The following CERKL variants were observed in gnomAD, a reference collection of about 807,000 sequenced individuals.
CERKL encodes ceramide kinase-like protein.
A neutral mutation model predicts 63.4 loss-of-function variants in CERKL; 61 were observed. That is an observed-to-expected ratio of 0.96 (90% CI 0.78 to 1.19). CERKL has a LOEUF of 1.19. CERKL is among the 50% of genes most tolerant of loss of function. CERKL has a pLI of 0.00. For missense variants in CERKL, 675 were observed against 655.5 expected, an observed-to-expected ratio of 1.03 and a Z score of -0.33; for synonymous variants, 250 against 230.5, an observed-to-expected ratio of 1.08 and a Z score of -0.77.
chr2:181,650,128 A>G (rs1225601232), intron 1 of CERKL: 4 of 134,304 alleles, frequency 3.0e-5, no homozygotes, highest in Non-Finnish European at 6.1e-5. Context: ...GAAGGAAGGA[A>G]GGAAGGAAGG....
chr2:181,620,343 A>C (rs1401518492), intron 1 of CERKL, among the ~76,000 whole-genome samples: 1 of 152,134 alleles, frequency 6.6e-6, no homozygotes, highest in Admixed American at 6.6e-5. Context: ...GTACCTCTGC[A>C]GGTCAGATCC....
Position 181,539,039 on chromosome 2 carries a change from T to C in CERKL, c.1538+53A>G. 6 of 1,255,562 alleles carry C rather than the reference T, an allele frequency of 4.8e-6. No homozygotes were observed. The Admixed American group carries it at 7.1e-5, about 15-fold the overall frequency. The allele number at this position is 1,255,562 out of a possible 1,614,324, so 77.8% of individuals were successfully genotyped here. On this transcript the variant is annotated intron_variant, in intron 12 of 12. Coordinates refer to ENST00000410087, the MANE Select transcript of CERKL (RefSeq NM_201548.5). ...TCAGAGAAGAGAGCTTTCGTTGTAA[T>C]ATTAGATTTATGTTTACTGGTTGAC...
intron 1 of CERKL, among the ~76,000 whole-genome samples, chr2:181,653,053 G>A (rs558368726): frequency 7.0e-4 from 107 of 152,308 alleles, no homozygotes; most frequent in African/African-American, 2.3e-3. Flanking sequence ...GATTACAGGC[G>A]TGAGCCACTG....
chr2:181,577,162 C>T (rs1255089080), intron 2 of CERKL, among the ~76,000 whole-genome samples: 1 of 152,012 alleles, frequency 6.6e-6, no homozygotes, highest in Non-Finnish European at 1.5e-5. Flanking sequence ...AAATCATCCT[C>T]GTTGAAGGAG....
intron 1 of CERKL, among the ~76,000 whole-genome samples, chr2:181,651,557 A>G (rs1449696477): frequency 6.6e-6 from 1 of 152,240 alleles, no homozygotes; most frequent in Non-Finnish European, 1.5e-5. Flanking sequence ...CACAGCTAAC[A>G]TCATACTGAA....
intron 1 of CERKL, among the ~76,000 whole-genome samples, chr2:181,617,607 ATATAT>A (rs1465223797): frequency 6.6e-6 from 1 of 152,178 alleles, no homozygotes; most frequent in African/African-American, 2.4e-5. Flanking sequence ...ACTTTTTAAA[ATATAT>A]TATAATAAAA....
intron 2 of CERKL, among the ~76,000 whole-genome samples, chr2:181,586,906 T>C (rs752752626): frequency 6.6e-6 from 1 of 152,192 alleles, no homozygotes; most frequent in Non-Finnish European, 1.5e-5. Flanking sequence ...CTTGTCATAC[T>C]CTTGTGTATA....
rs61733527 is a variant in CERKL, at chr2:181,656,808, C to T, written c.199G>A (p.Ala67Thr). The change falls in exon 1 of 13, where the codon GCA (alanine) becomes ACA (threonine). Residue 67 changes from alanine to threonine, a missense_variant. Transcript: ENST00000410087. ...GGCTGAATGGGCCGCCACCGCAGTG[C>T]TCGCTCGCTCAGCACCACGTCACAA... ...DSCDVVLSER[A>T]LRWRPIQPER... is the part of the protein sequence containing the mutation. 3,352 of 1,596,114 alleles carry T rather than the reference C, an allele frequency of 2.1e-3. 58 individuals carry two copies. The African/African-American group carries it at 0.041, about 19-fold the overall frequency.
chr2:181,634,290 G>A (rs1034836074), intron 1 of CERKL, among the ~76,000 whole-genome samples: 5 of 152,082 alleles, frequency 3.3e-5, no homozygotes, highest in African/African-American at 9.7e-5. Context: ...ATGTTTCTTG[G>A]GGTCATTTGT....
Position 181,615,100 on chromosome 2 carries a change from C to A in CERKL, c.239-11021G>T, listed in dbSNP as rs79356677. On this transcript the variant is annotated intron_variant, in intron 1 of 12. Coordinates refer to ENST00000410087, the MANE Select transcript of CERKL (RefSeq NM_201548.5). ...ACAGAGATACTGGGGACCATCTGTT[C>A]TTGCAAGGAACTTAAGTATACATCT... Among the ~76,000 whole-genome samples, 1,113 of 152,290 alleles carry A rather than the reference C, an allele frequency of 7.3e-3. 83 individuals carry two copies. In the East Asian group the frequency reaches 0.17, roughly 23 times the overall value.
At chr2:181,538,589 C>T (rs949571017) in intron 12 of CERKL, among the ~76,000 whole-genome samples, 15 of 152,142 alleles carry the variant, frequency 9.9e-5, no homozygotes, top group African/African-American at 3.6e-4. Flanking sequence ...TTGCAGGTTC[C>T]TAAACCTGTT....
Position 181,656,771 on chromosome 2 carries a change from G to A in CERKL, c.236C>T (p.Ala79Val), listed in dbSNP as rs771968652. 2 of 1,591,172 alleles carry A rather than the reference G, an allele frequency of 1.3e-6. No homozygotes were observed. The highest frequency in any genetic ancestry group is 1.7e-6 in the Non-Finnish European group (2 of 1,168,326). The change falls in exon 1 of 13, where the codon GCG (alanine) becomes GTG (valine). Residue 79 changes from alanine (A) to valine (V), a missense_variant and splice_region_variant. Physicochemically the swap from Ala to Val is moderately conservative, Grantham distance 64. Coordinates refer to ENST00000410087, the MANE Select transcript of CERKL (RefSeq NM_201548.5). ...GACGCTTGGGGCCGGGCACTCACCC[G>A]CCGGGCGCTCGGGCTGAATGGGCCG... The part of the protein sequence containing the change: ...RWRPIQPERP[A>V]GDSKYDLLCK...
Position 181,558,475 on chromosome 2 carries a change from A to C in CERKL, c.820+91T>G. ...AGTCTGGATCTTTCAAAGTCTGTTC[A>C]TTAATTCTGTGTTGTGCTGTCTAGA... On this transcript the variant is annotated intron_variant, in intron 5 of 12. Coordinates refer to ENST00000410087, the MANE Select transcript of CERKL (RefSeq NM_201548.5). The surrounding 1 kb of genome is among the most constrained non-coding windows in gnomAD (Gnocchi z 4.2). 1.4e-6 allele frequency: 2 copies of C among 1,396,846 alleles called. No homozygotes were observed. The highest frequency in any genetic ancestry group is 2.0e-6 in the Non-Finnish European group (2 of 992,476). 86.5% of individuals were successfully genotyped at this position (1,396,846 alleles called of 1,614,324 possible).
intron 2 of CERKL, among the ~76,000 whole-genome samples, chr2:181,592,593 G>T (rs1308307169): frequency 1.3e-5 from 2 of 152,108 alleles, no homozygotes; most frequent in Admixed American, 6.6e-5. Context: ...TGCTTCACTG[G>T]ATTTAAAATT....
chr2:181,569,755 A>T (rs978497825), intron 3 of CERKL, among the ~76,000 whole-genome samples: 1 of 152,212 alleles, frequency 6.6e-6, no homozygotes, highest in African/African-American at 2.4e-5. Flanking sequence ...ACAAGAGATG[A>T]GGGGCAGACA....
At chr2:181,640,424 G>A (rs1311384468) in intron 1 of CERKL, among the ~76,000 whole-genome samples, 1 of 152,108 alleles carries the variant, frequency 6.6e-6, no homozygotes, top group Non-Finnish European at 1.5e-5. Context: ...GTAGGAATAC[G>A]GTCAGAAGTC....
chr2:181,635,349 T>A (rs569175877), intron 1 of CERKL, among the ~76,000 whole-genome samples: 3 of 152,232 alleles, frequency 2.0e-5, no homozygotes, highest in Non-Finnish European at 4.4e-5. Context: ...AAAATAACTT[T>A]TAGAGAAATT....
chr2:181,585,794 T>C (rs1046363103), intron 2 of CERKL, among the ~76,000 whole-genome samples: 9 of 152,178 alleles, frequency 5.9e-5, no homozygotes, highest in African/African-American at 2.2e-4. Context: ...TTAAATCAGT[T>C]TGCCTTCCAG....
At chr2:181,557,300 C>T (rs928796293) in intron 5 of CERKL, among the ~76,000 whole-genome samples, 1 of 152,166 alleles carries the variant, frequency 6.6e-6, no homozygotes, top group African/African-American at 2.4e-5. Context: ...GTGTTTTAGA[C>T]ACGAAGTCCT....
Sources: gnomAD v4.1 joint callset for allele counts (sites outside exome capture counted in the v4.1 genomes callset) on GRCh38, gnomAD v4.1.1 for gene constraint, Gnocchi (gnomAD v3.1) non-coding constraint, MANE v1.5 for transcripts, NCBI Gene and HGNC (gene_info 2026-07-23, HGNC 2026-07-21) for gene names.